The following PLEKHA5 variants were observed in gnomAD, a reference collection of about 807,000 sequenced individuals.
The protein encoded by PLEKHA5 is pleckstrin homology domain-containing family A member 5.
PLEKHA5 carries 55 observed loss-of-function variants against 181.9 expected under a neutral mutation model. That is an observed-to-expected ratio of 0.30 (90% CI 0.24 to 0.38). The LOEUF is 0.38. PLEKHA5 is among the 10% of genes least tolerant of loss of function. The pLI is 1.00. For synonymous variants in PLEKHA5, 535 were observed against 529.4 expected (o/e 1.01, Z -0.15); for missense variants, 1,432 against 1,549.5 (o/e 0.92, Z 1.27).
At chr12:19,163,440 G>GTGCTGT (rs1565886177) in intron 3 of PLEKHA5, among the ~76,000 whole-genome samples, 2 of 152,110 alleles carry the variant, frequency 1.3e-5, no homozygotes, top group Non-Finnish European at 1.5e-5. Flanking sequence ...GCCTACCAAA[G>GTGCTGT]TGCTGGGATT....
At chr12:19,277,149 G>GTC (rs2074789366) in intron 11 of PLEKHA5, among the ~76,000 whole-genome samples, 2 of 147,586 alleles carry the variant, frequency 1.4e-5, no homozygotes, top group Admixed American at 1.4e-4. Context: ...CAGGAAGCAG[G>GTC]TCTGGGGGGA....
chr12:19,148,316 C>T (rs993019683), intron 3 of PLEKHA5, among the ~76,000 whole-genome samples: 2 of 152,202 alleles, frequency 1.3e-5, no homozygotes, highest in Non-Finnish European at 2.9e-5. Flanking sequence ...CTTGGCCTCC[C>T]AAAGTGCTGG....
intron 3 of PLEKHA5, among the ~76,000 whole-genome samples, chr12:19,230,277 C>T (rs2060298073): frequency 6.6e-6 from 1 of 152,236 alleles, no homozygotes; most frequent in African/African-American, 2.4e-5. Context: ...CCCCACTAGA[C>T]TCAGGAGCCC....
At chr12:19,230,454 C>T (rs377115044) in intron 3 of PLEKHA5, among the ~76,000 whole-genome samples, 2 of 152,088 alleles carry the variant, frequency 1.3e-5, no homozygotes, top group Non-Finnish European at 1.5e-5. Context: ...GAACCCATGG[C>T]GGAGGGGAGG....
intron 12 of PLEKHA5, among the ~76,000 whole-genome samples, chr12:19,284,746 T>C (rs10466781): frequency 0.058 from 8,861 of 152,226 alleles, 418 homozygotes; most frequent in East Asian, 0.19. Flanking sequence ...CCCTAATGTC[T>C]ATCCTAAAGT....
intron 21 of PLEKHA5, among the ~76,000 whole-genome samples, chr12:19,337,591 A>T (rs973292879): frequency 6.6e-6 from 1 of 151,926 alleles, no homozygotes; most frequent in Non-Finnish European, 1.5e-5. Flanking sequence ...ACTTGTCTTA[A>T]AATGTTGCTC....
In PLEKHA5 at chr12:19,365,947, C is replaced by A; in HGVS notation, c.3609-17C>A. ...TCTATAGTGACAAATTTTTAAATAC[C>A]AATCTATTTTCATCAGCCCTCAAGA... On this transcript the variant is annotated splice_polypyrimidine_tract_variant and intron_variant, in intron 29 of 31. Coordinates refer to ENST00000429027, the MANE Select transcript of PLEKHA5 (RefSeq NM_001256470.2). 1 of 1,560,830 alleles carries A rather than the reference C, an allele frequency of 6.4e-7. No homozygotes were observed. Among genetic ancestry groups the A allele is most frequent in the South Asian group, 1.2e-5 (1 of 82,100 alleles).
intron 3 of PLEKHA5, chr12:19,153,582 C>A (rs904193634): frequency 1.3e-5 from 2 of 152,142 alleles, no homozygotes; most frequent in Non-Finnish European, 2.9e-5. Flanking sequence ...ACAGTTGTTA[C>A]AATTGTACCT....
intron 11 of PLEKHA5, among the ~76,000 whole-genome samples, chr12:19,277,026 T>C (rs544943717): frequency 1.3e-5 from 2 of 152,224 alleles, no homozygotes; most frequent in South Asian, 4.1e-4. Flanking sequence ...AATTAAGGCA[T>C]AGATGAATAA....
At chr12:19,254,588 A>G (rs1259473844) in intron 4 of PLEKHA5, among the ~76,000 whole-genome samples, 2 of 152,330 alleles carry the variant, frequency 1.3e-5, no homozygotes, top group South Asian at 2.1e-4. Context: ...TGGGAGGCCA[A>G]GGTGGGCGAA....
At chr12:19,298,272 A>C (rs111826486) in intron 15 of PLEKHA5, among the ~76,000 whole-genome samples, 1 of 152,244 alleles carries the variant, frequency 6.6e-6, no homozygotes, top group African/African-American at 2.4e-5. Flanking sequence ...AAATAATAAT[A>C]ATGGCAGAAC....
chr12:19,283,224 G>A, intron 11 of PLEKHA5, 56 bp from the exon 12 acceptor site: 5 of 968,970 alleles, frequency 5.2e-6, no homozygotes, highest in South Asian at 1.8e-5. Context: ...CTCTAATTTA[G>A]AATTTGGAAA....
intron 3 of PLEKHA5, among the ~76,000 whole-genome samples, chr12:19,174,840 C>T (rs1270103633): frequency 2.0e-5 from 3 of 152,172 alleles, no homozygotes; most frequent in African/African-American, 7.2e-5. Flanking sequence ...GCAGTCATCT[C>T]TGTTGGATTT....
chr12:19,246,749 A>C (rs966514108), intron 3 of PLEKHA5, among the ~76,000 whole-genome samples: 1 of 152,120 alleles, frequency 6.6e-6, no homozygotes, highest in Non-Finnish European at 1.5e-5. Context: ...TTTTGCATTC[A>C]ATGAAGTTTC....
chr12:19,190,465 A>G (rs538413549), intron 3 of PLEKHA5, among the ~76,000 whole-genome samples: 1 of 152,360 alleles, frequency 6.6e-6, no homozygotes, highest in Admixed American at 6.5e-5. Context: ...CAAGATGTGT[A>G]CTACATGTGT....
intron 3 of PLEKHA5, among the ~76,000 whole-genome samples, chr12:19,174,464 T>C (rs1002440550): frequency 6.6e-6 from 1 of 152,252 alleles, no homozygotes; most frequent in African/African-American, 2.4e-5. Context: ...TAACATATAC[T>C]TAAATGTTAT....
chr12:19,222,998 G>A (rs1592117081), intron 3 of PLEKHA5, among the ~76,000 whole-genome samples: 2 of 101,388 alleles, frequency 2.0e-5, no homozygotes, highest in Middle Eastern at 6.4e-3. Context: ...GTGAAATTTT[G>A]TCTTTTTTTT....
chr12:19,369,028 T>C (rs2095508981), intron 30 of PLEKHA5, among the ~76,000 whole-genome samples: 1 of 151,988 alleles, frequency 6.6e-6, no homozygotes. Flanking sequence ...TGTTTGTTTG[T>C]TTTTTGTTGT....
chr12:19,157,623 A>C (rs950842051), intron 3 of PLEKHA5, among the ~76,000 whole-genome samples: 1 of 152,054 alleles, frequency 6.6e-6, no homozygotes, highest in South Asian at 2.1e-4. Flanking sequence ...TTTTATATGC[A>C]TATGTCATTT....
Sources: allele counts gnomAD v4.1 joint callset (sites outside exome capture counted in the v4.1 genomes callset), GRCh38; gene constraint gnomAD v4.1.1; transcripts MANE v1.5; gene names NCBI Gene and HGNC (gene_info 2026-07-23, HGNC 2026-07-21).